Variants in TNIK observed in about 807,000 individuals in gnomAD.
TNIK encodes TRAF2 and NCK-interacting protein kinase.
A neutral mutation model predicts 191.3 loss-of-function variants in TNIK; 49 were observed. That is an observed-to-expected ratio of 0.26 (90% CI 0.20 to 0.32). The LOEUF is 0.32. Ranked by LOEUF, TNIK falls within the 10% of genes least tolerant of loss-of-function variation. The pLI is 1.00. For missense variants in TNIK, 1,155 were observed against 1,702.3 expected (o/e 0.68, Z 5.66); for synonymous variants, 594 against 600.9 (o/e 0.99, Z 0.17).
At chr3:171,104,303 T>G (rs1279033958) in intron 21 of TNIK, among the ~76,000 whole-genome samples, 3 of 152,068 alleles carry the variant, frequency 2.0e-5, no homozygotes, top group Non-Finnish European at 2.9e-5. Context: ...TTAACACCAT[T>G]GGGTTCAATT....
chr3:171,344,493 GTCAT>G (rs1577559937), intron 2 of TNIK, among the ~76,000 whole-genome samples: 1 of 151,942 alleles, frequency 6.6e-6, no homozygotes, highest in African/African-American at 2.4e-5. Context: ...ATATGTTATG[GTCAT>G]TCAAATTTGG....
chr3:171,110,591 C>T (rs138106224), intron 19 of TNIK, 123 bp downstream of exon 19: 2 of 1,288,014 alleles, frequency 1.6e-6, no homozygotes, highest in South Asian at 1.6e-5. Context: ...AGTTGACAGG[C>T]TCTTCAGGAT....
chr3:171,220,975 A>G (rs1174440391), intron 3 of TNIK, among the ~76,000 whole-genome samples: 1 of 152,130 alleles, frequency 6.6e-6, no homozygotes, highest in Non-Finnish European at 1.5e-5. Context: ...AGACCCAGAC[A>G]CACATAAGCC....
At chr3:171,153,237 C>T (rs980759052) in intron 12 of TNIK, among the ~76,000 whole-genome samples, 14 of 152,104 alleles carry the variant, frequency 9.2e-5, no homozygotes, top group Non-Finnish European at 1.5e-4. Flanking sequence ...GGTGTTCCTT[C>T]CACTTCCTTA....
At chr3:171,436,644 C>T (rs1726066713) in intron 1 of TNIK, among the ~76,000 whole-genome samples, 1 of 152,198 alleles carries the variant, frequency 6.6e-6, no homozygotes, top group Non-Finnish European at 1.5e-5. Flanking sequence ...AAGCCAGAAG[C>T]TCACAAATGA....
rs117348819 is a variant in TNIK, at chr3:171,308,297, C to T, written c.123+61323G>A. ...ACGCCTACAACCACCTGATCTTTGA[C>T]GAAGCTGACAAAAACAAGCAATGGG... On this transcript the variant is annotated intron_variant, in intron 2 of 32. Coordinates refer to ENST00000436636, the MANE Select transcript of TNIK (RefSeq NM_015028.4). Among the ~76,000 whole-genome samples, 43 of 152,172 alleles carry T rather than the reference C, an allele frequency of 2.8e-4. No individual in the cohort carries two copies. In the East Asian group the frequency reaches 4.6e-3, roughly 16 times the overall value.
chr3:171,093,395 C>T (rs1553805679), intron 23 of TNIK, among the ~76,000 whole-genome samples: 3 of 152,068 alleles, frequency 2.0e-5, no homozygotes, highest in South Asian at 2.1e-4. Flanking sequence ...GTTAATTTAA[C>T]AAGATAAGAT....
chr3:171,274,204 T>C (rs1442684138), intron 2 of TNIK, among the ~76,000 whole-genome samples: 4 of 152,204 alleles, frequency 2.6e-5, no homozygotes, highest in Admixed American at 2.0e-4. Flanking sequence ...ACAAGAAACA[T>C]GAACATCCTC....
At chr3:171,153,725 A>G (rs1473567066) in intron 12 of TNIK, among the ~76,000 whole-genome samples, 3 of 152,210 alleles carry the variant, frequency 2.0e-5, no homozygotes, top group Non-Finnish European at 4.4e-5. Flanking sequence ...TTCAAAAGTA[A>G]TCAACATGGT....
intron 2 of TNIK, among the ~76,000 whole-genome samples, chr3:171,338,783 A>G (rs1757235757): frequency 6.6e-6 from 1 of 151,630 alleles, no homozygotes; most frequent in African/African-American, 2.4e-5. Flanking sequence ...GATTACAGGT[A>G]TCAACCACCA....
chr3:171,131,836 A>C (rs1339804011), intron 15 of TNIK, among the ~76,000 whole-genome samples: 1 of 152,250 alleles, frequency 6.6e-6, no homozygotes, highest in Admixed American at 6.5e-5. Context: ...TCAGATGGAC[A>C]GAGAGAAAGC....
At chr3:171,450,698 A>G (rs562354164) in intron 1 of TNIK, among the ~76,000 whole-genome samples, 5 of 152,336 alleles carry the variant, frequency 3.3e-5, no homozygotes, top group African/African-American at 1.2e-4. Context: ...GCCTTTTATC[A>G]GAAGGTGCCA....
intron 22 of TNIK, among the ~76,000 whole-genome samples, chr3:171,096,327 G>A (rs917567111): frequency 6.6e-6 from 1 of 151,990 alleles, no homozygotes; most frequent in Admixed American, 6.6e-5. Flanking sequence ...AGCTGTGAAA[G>A]TGAGCCCTCC....
intron 2 of TNIK, among the ~76,000 whole-genome samples, chr3:171,235,938 T>C (rs1035358221): frequency 3.3e-5 from 5 of 152,128 alleles, no homozygotes; most frequent in African/African-American, 4.8e-5. Flanking sequence ...GTATAGCCCT[T>C]AATAACTTAA....
intron 27 of TNIK, among the ~76,000 whole-genome samples, 162 bp downstream of exon 27, chr3:171,082,089 C>T (rs1289495551): frequency 2.0e-5 from 3 of 152,064 alleles, no homozygotes; most frequent in Non-Finnish European, 4.4e-5. Flanking sequence ...GGTCAGAATT[C>T]CCAGTGTTAC....
intron 11 of TNIK, among the ~76,000 whole-genome samples, chr3:171,158,921 C>T (rs138085983): frequency 6.6e-6 from 1 of 152,260 alleles, no homozygotes; most frequent in African/African-American, 2.4e-5. Context: ...GAGAGGAAAA[C>T]AGGGGTGCAC....
At chr3:171,140,313 C>T (rs1050916639) in intron 13 of TNIK, 86 bp downstream of exon 13, 1 of 1,126,996 alleles carries the variant, frequency 8.9e-7, no homozygotes, top group African/African-American at 1.6e-5. Flanking sequence ...CTGAGCATTC[C>T]TCAGAAAAGG....
At chr3:171,084,637 C>A (rs181901217) in intron 25 of TNIK, among the ~76,000 whole-genome samples, 1 of 152,286 alleles carries the variant, frequency 6.6e-6, no homozygotes, top group East Asian at 1.9e-4. Flanking sequence ...TTTAAAATTG[C>A]AGTTTATCAG....
In TNIK at chr3:171,126,123, T is replaced by C; in HGVS notation, c.1802A>G (p.Gln601Arg). 1 of 1,556,988 alleles carries C rather than the reference T, an allele frequency of 6.4e-7. No individual in the cohort carries two copies. Among genetic ancestry groups the C allele is most frequent in the Non-Finnish European group, 8.7e-7 (1 of 1,154,438 alleles). Residue 601 changes from glutamine (Q) to arginine (R), a missense_variant, in exon 17 of 33, where the codon CAG (glutamine) becomes CGG (arginine). Around this residue, in one of 3 missense-constraint regions of TNIK, gnomAD observed 735 missense variants for 848.0 expected, o/e 0.87. Transcript: ENST00000436636. ...CTGGGAGGCGGTCAAGGCAGGTCCC[T>C]GGGATTTTACAGCTACCAGATGTGG... ...QIPHLVAVKS[Q>R]GPALTASQSV...
Sources: allele counts gnomAD v4.1 joint callset (sites outside exome capture counted in the v4.1 genomes callset), GRCh38; gene constraint gnomAD v4.1.1; regional missense constraint gnomAD v4.1.1; transcripts MANE v1.5; gene names NCBI Gene and HGNC (gene_info 2026-07-23, HGNC 2026-07-21).